Variants in UPF3A observed in about 807,000 individuals in gnomAD.
The protein encoded by UPF3A is UPF3A regulator of nonsense mediated mRNA decay.
UPF3A carries 42 observed loss-of-function variants against 53.5 expected under a neutral mutation model. That is an observed-to-expected ratio of 0.78 (90% CI 0.61 to 1.01). The LOEUF (loss-of-function observed/expected upper bound fraction) is 1.01. Ranked by LOEUF, UPF3A falls within the 50% of genes least tolerant of loss-of-function variation. UPF3A has a pLI of 0.00. For synonymous variants in UPF3A, 237 were observed against 225.3 expected (o/e 1.05, Z -0.47); for missense variants, 575 against 598.0 (o/e 0.96, Z 0.40).
intron 7 of UPF3A, among the ~76,000 whole-genome samples, chr13:114,294,526 G>A (rs2085641633): frequency 1.3e-5 from 2 of 152,206 alleles, no homozygotes; most frequent in Admixed American, 1.3e-4. Context: ...TGGGGTTAGA[G>A]GCATGAGCCA....
intron 2 of UPF3A, 143 bp from the exon 3 acceptor site, chr13:114,282,694 C>T (rs541802019): frequency 1.4e-4 from 211 of 1,473,644 alleles, no homozygotes; most frequent in Non-Finnish European, 1.8e-4. Flanking sequence ...AAAGAATATC[C>T]AAGTTGTTAC....
At chr13:114,281,899 T>TGGAGAGAGG in intron 1 of UPF3A, 53 bp downstream of exon 1, 1 of 621,144 alleles carries the variant, frequency 1.6e-6, no homozygotes, top group Admixed American at 2.7e-5. Flanking sequence ...CGGCCCTGAG[T>TGGAGAGAGG]GGAGGGAGGG....
rs958502923 is a variant in UPF3A at position 114,298,976 on chromosome 13, G to C, written c.983G>C (p.Gly328Ala). Residue 328 changes from glycine (G) to alanine (A), a missense_variant, in exon 8 of 10, where the codon GGC becomes GCC. Physicochemically the swap from Gly to Ala is moderately conservative, Grantham distance 60 (BLOSUM62 0). Coordinates refer to ENST00000375299, the MANE Select transcript of UPF3A (RefSeq NM_023011.4). ...GTCGTAAAAGCCAGGCCCATGGAAG[G>C]CTCGCTGGAGGAGCCCCAGGAGACG... is the stretch of plus-strand genomic sequence containing the variant. ...GAVVKARPME[G>A]SLEEPQETSH... 6.2e-7 allele frequency: 1 copy of C among 1,602,770 alleles called. No individual in the cohort carries two copies. The highest frequency in any genetic ancestry group is 1.8e-5 in the Admixed American group (1 of 56,528).
At position 114,282,923 on chromosome 13, in the gene UPF3A, A is replaced by T. The variant is rs145367145; in HGVS notation, c.401A>T (p.Tyr134Phe). ...ILLFRDRFDG[Y>F]IFLDSKGLEY... ...CTTTTTAGAGATCGTTTTGATGGAT[A>T]TATCTTCCTTGACAGCAAAGGTTGG... Residue 134 changes from tyrosine to phenylalanine, a missense_variant, in exon 3 of 10, where the codon TAT becomes TTT. Tyr to Phe is a conservative substitution (Grantham distance 22). This residue lies in a region of UPF3A where 252 missense variants were observed against 182.7 expected (regional missense o/e 1.38). Coordinates refer to ENST00000375299, the MANE Select transcript of UPF3A (RefSeq NM_023011.4). 6.8e-6 allele frequency: 11 copies of T among 1,609,334 alleles called. No homozygotes were observed. In the East Asian group the frequency reaches 2.5e-4, roughly 36 times the overall value.
chr13:114,284,794 T>A (rs115110651), intron 3 of UPF3A, among the ~76,000 whole-genome samples: 2,346 of 152,304 alleles, frequency 0.015, 62 homozygotes, highest in African/African-American at 0.054. Flanking sequence ...GGGCCAGTCG[T>A]CCTTGTTTCC....
At chr13:114,300,223 C>G (rs1469289318) in intron 8 of UPF3A, among the ~76,000 whole-genome samples, 1 of 152,158 alleles carries the variant, frequency 6.6e-6, no homozygotes, top group Non-Finnish European at 1.5e-5. Context: ...GATAATTAAT[C>G]TGCCATTATT....
In UPF3A at chr13:114,286,366, A is replaced by G. The variant is rs768707129; in HGVS notation, c.486A>G (p.Arg162=). 6.2e-7 allele frequency: 1 copy of G among 1,614,052 alleles called. No individual in the cohort carries two copies. Among genetic ancestry groups the G allele is most frequent in the Non-Finnish European group, 8.5e-7 (1 of 1,180,020 alleles). Residue 162 remains arginine (R), a synonymous_variant, in exon 4 of 10, where the codon AGA becomes AGG. Coordinates refer to ENST00000375299, the MANE Select transcript of UPF3A (RefSeq NM_023011.4). Reference sequence around the variant, plus strand: ...AGAAGATAGCCAAAAAGAAGCTGAGAAAAAAAGATGCCAAGACTGGAAGCA... The same window carrying G: ...AGAAGATAGCCAAAAAGAAGCTGAGGAAAAAAGATGCCAAGACTGGAAGCA... ...PFQKIAKKKL[R]KKDAKTGSIE... is the part of the protein sequence containing the mutation.
In UPF3A at chr13:114,286,578, A is replaced by G; in HGVS notation, c.580A>G (p.Asn194Asp). 6.2e-7 allele frequency: 1 copy of G among 1,614,100 alleles called. No individual in the cohort carries two copies. Among genetic ancestry groups the G allele is most frequent in the Non-Finnish European group, 8.5e-7 (1 of 1,179,952 alleles). The change falls in exon 5 of 10, where the codon AAC (asparagine) becomes GAC (aspartate). Residue 194 changes from asparagine to aspartate, a missense_variant. Asn to Asp is a conservative substitution (Grantham distance 23). Around this residue, in one of 2 missense-constraint regions of UPF3A, gnomAD observed 323 missense variants for 415.2 expected, o/e 0.78. Coordinates refer to ENST00000375299, the MANE Select transcript of UPF3A (RefSeq NM_023011.4). ...YCVEEEKTSA[N>D]PETLLGEMEA... ...TGTGGAGGAAGAGAAGACCAGTGCC[A>G]ACCCTGAGACTCTGCTGGGGGAGAT...
At chr13:114,296,192 G>C (rs2085981637) in intron 7 of UPF3A, among the ~76,000 whole-genome samples, 1 of 152,190 alleles carries the variant, frequency 6.6e-6, no homozygotes, top group East Asian at 1.9e-4. Context: ...AGACCAGCCT[G>C]GCTAATATGG....
In UPF3A at chr13:114,282,734, TTTATC is replaced by T. The variant is rs1172871435; in HGVS notation, c.315-101_315-97del. 8 of 1,511,834 alleles carry T rather than the reference TTTATC, an allele frequency of 5.3e-6. No individual in the cohort carries two copies. The African/African-American group carries it at 1.1e-4, about 21-fold the overall frequency. The allele number at this position is 1,511,834 out of a possible 1,614,324, so 93.7% of individuals were successfully genotyped here. ...AACTGAGATGATTTGGCACAAAAGT[TTTATC>T]TAAAGTAGTTTGTTGTGCCCAGAAA... is the stretch of plus-strand genomic sequence containing the variant. On this transcript the variant is annotated intron_variant, in intron 2 of 9. Transcript: ENST00000375299.
At chr13:114,298,819 A>G in intron 7 of UPF3A, 21 bp from the exon 8 acceptor site, 4 of 1,534,414 alleles carry the variant, frequency 2.6e-6, no homozygotes, top group Non-Finnish European at 3.5e-6. Flanking sequence ...GTGATACTTT[A>G]CTAACATTGT....
chr13:114,292,813 A>G (rs1456559076), intron 7 of UPF3A, among the ~76,000 whole-genome samples: 5 of 152,042 alleles, frequency 3.3e-5, no homozygotes, highest in Non-Finnish European at 4.4e-5. Context: ...TTTAAAAAAA[A>G]GTTTTCCTCC....
chr13:114,284,135 G>C, intron 3 of UPF3A: 1 of 929,132 alleles, frequency 1.1e-6, no homozygotes, highest in Non-Finnish European at 1.3e-6. Context: ...AGGCCAAGGC[G>C]GGTGGATCAC....
At chr13:114,283,673 C>T in intron 3 of UPF3A, 1 of 735,020 alleles carries the variant, frequency 1.4e-6, no homozygotes, top group Middle Eastern at 7.0e-4. Flanking sequence ...GAAGTCACTG[C>T]TGTTAAACAG....
chr13:114,294,140 CAT>C (rs1190442910), intron 7 of UPF3A, among the ~76,000 whole-genome samples: 7 of 152,224 alleles, frequency 4.6e-5, no homozygotes, highest in South Asian at 4.1e-4. Context: ...ACTTCTAAAT[CAT>C]GTGGAAAATT....
At chr13:114,290,734 C>CTT (rs112441605) in intron 5 of UPF3A, among the ~76,000 whole-genome samples, 8 of 138,420 alleles carry the variant, frequency 5.8e-5, no homozygotes, top group Non-Finnish European at 1.1e-4. Context: ...TCTTTTTTTT[C>CTT]TTTTTTTTTT....
At chr13:114,293,720 G>A (rs1594798776) in intron 7 of UPF3A, among the ~76,000 whole-genome samples, 1 of 152,100 alleles carries the variant, frequency 6.6e-6, no homozygotes, top group Admixed American at 6.5e-5. Flanking sequence ...TGTACAATAT[G>A]AGGAAAAAAA....
At chr13:114,284,698 C>CAA (rs57498642) in intron 3 of UPF3A, among the ~76,000 whole-genome samples, 2 of 137,788 alleles carry the variant, frequency 1.5e-5, no homozygotes, top group Non-Finnish European at 1.6e-5. Context: ...GACTCTGTCT[C>CAA]AAAAAAAAAA....
intron 7 of UPF3A, among the ~76,000 whole-genome samples, chr13:114,293,627 T>C (rs752461465): frequency 6.6e-6 from 1 of 152,156 alleles, no homozygotes; most frequent in South Asian, 2.1e-4. Context: ...CCAGCCATTA[T>C]CTCCTCAGTA....
Sources: gnomAD v4.1 joint callset for allele counts (sites outside exome capture counted in the v4.1 genomes callset) on GRCh38, gnomAD v4.1.1 for gene constraint, gnomAD v4.1.1 regional missense constraint, MANE v1.5 for transcripts, NCBI Gene and HGNC (gene_info 2026-07-23, HGNC 2026-07-21) for gene names.